Variants in NFIC observed in about 807,000 individuals in gnomAD.
NFIC encodes the protein nuclear factor 1 C-type.
Under a neutral mutation model 54.4 loss-of-function variants are expected in NFIC, and 12 were observed. The ratio of observed to expected loss-of-function variants is 0.22; its 90% CI spans 0.14 to 0.36. The LOEUF (loss-of-function observed/expected upper bound fraction) is 0.36. NFIC is among the 10% of genes least tolerant of loss of function. NFIC has a pLI of 1.00. For missense variants in NFIC, 575 were observed against 718.2 expected, an observed-to-expected ratio of 0.80 and a Z score of 2.28; for synonymous variants, 322 against 319.2, an observed-to-expected ratio of 1.01 and a Z score of -0.09.
Position 3,449,151 on chromosome 19 carries a change from G to A in NFIC, c.1084+12G>A, listed in dbSNP as rs764787196. 1.1e-5 allele frequency: 17 copies of A among 1,607,678 alleles called. No individual in the cohort carries two copies. The highest frequency in any genetic ancestry group is 1.7e-5 in the Admixed American group (1 of 58,536). ...CGCCGTGCACAGCGGTAAGCGCCACGGGCCCCTGGCGGGGAGGGGCGGCGG... is the reference window on the plus strand; with the variant it reads ...CGCCGTGCACAGCGGTAAGCGCCACAGGCCCCTGGCGGGGAGGGGCGGCGG... On this transcript the variant is annotated intron_variant, in intron 7 of 10. Transcript: ENST00000443272.
intron 9 of NFIC, among the ~76,000 whole-genome samples, chr19:3,456,187 C>T (rs536383255): frequency 1.7e-4 from 26 of 152,372 alleles, no homozygotes; most frequent in South Asian, 8.3e-4. Flanking sequence ...ATGCACCCCG[C>T]GCGGAGGCAG....
At chr19:3,442,687 C>T (rs142323451) in intron 6 of NFIC, among the ~76,000 whole-genome samples, 3,887 of 152,072 alleles carry the variant, frequency 0.026, 158 homozygotes, top group African/African-American at 0.087. Context: ...GAGCCCAGCC[C>T]GCCCATCCCT....
chr19:3,428,774 G>A (rs1261575136), intron 3 of NFIC, among the ~76,000 whole-genome samples: 1 of 152,046 alleles, frequency 6.6e-6, no homozygotes, highest in Non-Finnish European at 1.5e-5. Flanking sequence ...GAGTCCCCCA[G>A]AGATGGAGCT....
chr19:3,455,301 A>G (rs1175308386), intron 9 of NFIC, among the ~76,000 whole-genome samples: 1 of 152,112 alleles, frequency 6.6e-6, no homozygotes, highest in Admixed American at 6.5e-5. Context: ...GGATCCACTC[A>G]GGGCTCGATG....
At chr19:3,439,838 A>G (rs994425126) in intron 6 of NFIC, among the ~76,000 whole-genome samples, 1 of 150,810 alleles carries the variant, frequency 6.6e-6, no homozygotes, top group African/African-American at 2.4e-5. Flanking sequence ...ACAGGCACCC[A>G]CCACCATGCC....
chr19:3,438,492 C>CCTGAGATGG (rs1337819930), intron 6 of NFIC, among the ~76,000 whole-genome samples: 1 of 146,556 alleles, frequency 6.8e-6, no homozygotes, highest in Non-Finnish European at 1.5e-5. Flanking sequence ...GGCTGGAGTG[C>CCTGAGATGG]AGTGGCGCCA....
At chr19:3,363,267 ATAT>A (rs535069839), upstream of NFIC, among the ~76,000 whole-genome samples, 567 of 47,058 alleles carry the variant, frequency 0.012, 3 homozygotes, top group Middle Eastern at 0.017. Context: ...ATATATATAT[ATAT>A]TTTTTTTTTT....
chr19:3,399,847 G>A (rs974019469), intron 2 of NFIC, among the ~76,000 whole-genome samples: 5 of 152,070 alleles, frequency 3.3e-5, no homozygotes, highest in African/African-American at 7.2e-5. Context: ...CTCTAGCCTG[G>A]GTGACAGAGC....
At chr19:3,377,925 G>A (rs1177791386) in intron 1 of NFIC, among the ~76,000 whole-genome samples, 1 of 151,880 alleles carries the variant, frequency 6.6e-6, no homozygotes, top group Non-Finnish European at 1.5e-5. Flanking sequence ...ATTATGCCCA[G>A]CTAATTTTTG....
At chr19:3,383,767 A>C (rs1377290296) in intron 2 of NFIC, among the ~76,000 whole-genome samples, 1 of 152,188 alleles carries the variant, frequency 6.6e-6, no homozygotes, top group Non-Finnish European at 1.5e-5. Context: ...GCCCAGCCCC[A>C]GCCCAGGCAG....
intron 2 of NFIC, among the ~76,000 whole-genome samples, chr19:3,412,851 T>A (rs1220013641): frequency 2.0e-5 from 3 of 152,182 alleles, no homozygotes; most frequent in African/African-American, 7.2e-5. Context: ...GAAATTTCTC[T>A]GGCCTGGCTG....
chr19:3,395,496 T>A (rs1218548518), intron 2 of NFIC, among the ~76,000 whole-genome samples: 1 of 148,012 alleles, frequency 6.8e-6, no homozygotes, highest in East Asian at 2.0e-4. Context: ...TGGTTGATTT[T>A]TTTTTTTTTT....
chr19:3,383,817 G>C (rs2081250707), intron 2 of NFIC, among the ~76,000 whole-genome samples: 1 of 152,216 alleles, frequency 6.6e-6, no homozygotes, highest in Admixed American at 6.5e-5. Context: ...CTGAGAGGGA[G>C]GGGCATTTGC....
chr19:3,393,698 C>A (rs901230496), intron 2 of NFIC, among the ~76,000 whole-genome samples: 15 of 151,102 alleles, frequency 9.9e-5, no homozygotes, highest in Non-Finnish European at 2.9e-5. Context: ...ACCTGTAATC[C>A]CAGCTACTCT....
At position 3,457,096 on chromosome 19, in the gene NFIC, G is replaced by A. The variant is rs150618866; in HGVS notation, c.1509+461G>A. ...GGGGGAAACTGAGGCAGCCCATGGC[G>A]GGGCGTGGGGCCTCCCAGGACAGCA... On this transcript the variant is annotated intron_variant, in intron 10 of 10. Coordinates refer to ENST00000443272, the MANE Select transcript of NFIC (RefSeq NM_001245002.2). Among the ~76,000 whole-genome samples the A allele has an allele frequency of 7.0e-3, 1,063 of 152,294 alleles. 10 individuals are homozygous for A. The highest frequency in any genetic ancestry group is 0.023 in the African/African-American group (971 of 41,554).
At chr19:3,457,123 C>A (rs2082571597) in intron 10 of NFIC, among the ~76,000 whole-genome samples, 2 of 152,130 alleles carry the variant, frequency 1.3e-5, no homozygotes, top group Non-Finnish European at 2.9e-5. Context: ...AGGACAGCAT[C>A]CAAGCCCCCA....
At chr19:3,441,354 G>T (rs577887099) in intron 6 of NFIC, among the ~76,000 whole-genome samples, 1 of 152,252 alleles carries the variant, frequency 6.6e-6, no homozygotes, top group African/African-American at 2.4e-5. Flanking sequence ...GTCCTAAGCC[G>T]GGTTATTTCC....
rs118011192 is a variant in NFIC, at chr19:3,433,896, G to A, written c.709+304G>A. Among the ~76,000 whole-genome samples, 331 of 151,978 alleles carry A rather than the reference G, an allele frequency of 2.2e-3. 10 individuals are homozygous for A. The East Asian group carries it at 0.045, about 20-fold the overall frequency. On this transcript the variant is annotated intron_variant, in intron 4 of 10. Transcript: ENST00000443272. ...GTCCCAGGAGACCCCAAAGGACCCCGCCCCTCCTGTCCCCTTGCTTTCTCT... is the reference window on the plus strand; with the variant it reads ...GTCCCAGGAGACCCCAAAGGACCCCACCCCTCCTGTCCCCTTGCTTTCTCT...
intron 6 of NFIC, among the ~76,000 whole-genome samples, chr19:3,439,689 A>ATTT (rs1182271188): frequency 3.0e-5 from 4 of 133,848 alleles, no homozygotes; most frequent in Non-Finnish European, 4.8e-5. Context: ...CACTGGAAGA[A>ATTT]TTTTTTTTTT....
Sources: allele counts gnomAD v4.1 joint callset (sites outside exome capture counted in the v4.1 genomes callset), GRCh38; gene constraint gnomAD v4.1.1; transcripts MANE v1.5; gene names NCBI Gene and HGNC (gene_info 2026-07-23, HGNC 2026-07-21).